METTL15: variants seen among roughly 807,000 people sequenced by gnomAD.
METTL15 encodes the protein 12S rRNA N(4)-cytidine methyltransferase METTL15.
Under a neutral mutation model 38.3 loss-of-function variants are expected in METTL15, and 34 were observed. The observed-to-expected ratio is 0.89, with a 90% CI of 0.68 to 1.18. The LOEUF (loss-of-function observed/expected upper bound fraction) is 1.18. Among genes scored for constraint, METTL15 ranks in the 50% most tolerant of loss-of-function variants. The pLI, the probability that METTL15 is intolerant of heterozygous loss-of-function variation, is 0.00. For missense variants in METTL15, 438 were observed against 498.4 expected (o/e 0.88, Z 1.15); for synonymous variants, 162 against 170.9 (o/e 0.95, Z 0.41).
Position 28,207,658 on chromosome 11 carries a change from A to T in METTL15, c.271-3404A>T, listed in dbSNP as rs756782613. On this transcript the variant is annotated intron_variant, in intron 3 of 6. Coordinates refer to ENST00000407364, the MANE Select transcript of METTL15 (RefSeq NM_001113528.2). ...TAGGGAGGATTCCCTCTTTTTCTAT[A>T]GATTGAAATAGTTTCAGAAGGAATG... is the stretch of plus-strand genomic sequence containing the variant. Among the ~76,000 whole-genome samples, 7 of 152,036 alleles carry T rather than the reference A, an allele frequency of 4.6e-5. No individual in the cohort carries two copies. In the South Asian group the frequency reaches 8.3e-4, roughly 18 times the overall value.
In METTL15 at chr11:28,144,477, T is replaced by G. The variant is rs556637616; in HGVS notation, c.270+30873T>G. Among the ~76,000 whole-genome samples the G allele has an allele frequency of 2.0e-5, 3 of 152,270 alleles. No homozygotes were observed. In the South Asian group the frequency reaches 6.2e-4, roughly 32 times the overall value. On this transcript the variant is annotated intron_variant, in intron 3 of 6. Transcript: ENST00000407364. ...AGAGAAATATTAAAAGTAATGCAAC[T>G]TTGAAACTCATTATTGTGTTTACTC...
At chr11:28,497,094 T>C (rs923258061) in intron 6 of METTL15, among the ~76,000 whole-genome samples, 1 of 152,184 alleles carries the variant, frequency 6.6e-6, no homozygotes, top group Non-Finnish European at 1.5e-5. Flanking sequence ...ACTTAACAAC[T>C]GGGGAATAGT....
intron 4 of METTL15, among the ~76,000 whole-genome samples, chr11:28,257,763 A>G (rs1003459502): frequency 1.3e-5 from 2 of 152,120 alleles, no homozygotes; most frequent in Non-Finnish European, 2.9e-5. Context: ...TGTAAAATTT[A>G]TTTCATAAAA....
intron 3 of METTL15, among the ~76,000 whole-genome samples, chr11:28,345,967 C>T (rs923919374): frequency 6.6e-6 from 1 of 152,140 alleles, no homozygotes; most frequent in African/African-American, 2.4e-5. Flanking sequence ...CATAGAAATT[C>T]TTCACCGCCT....
chr11:28,299,670 A>G (rs1856848221), intron 6 of METTL15, among the ~76,000 whole-genome samples: 1 of 152,148 alleles, frequency 6.6e-6, no homozygotes, highest in Non-Finnish European at 1.5e-5. Flanking sequence ...TAAAGAAAAT[A>G]TGAGACACAA....
chr11:28,380,152 A>G (rs566025736), intron 5 of METTL15, among the ~76,000 whole-genome samples: 29 of 143,354 alleles, frequency 2.0e-4, no homozygotes, highest in African/African-American at 7.1e-4. Flanking sequence ...TTCTTTATCC[A>G]TTCAGCCACT....
chr11:28,250,564 T>TTC (rs1393426232), intron 4 of METTL15, among the ~76,000 whole-genome samples: 1 of 67,182 alleles, frequency 1.5e-5, no homozygotes, highest in Non-Finnish European at 4.1e-5. Flanking sequence ...CTCTCCTTTT[T>TTC]TTAAAAAAAA....
At chr11:28,359,331 C>T (rs1304467417) in intron 4 of METTL15, among the ~76,000 whole-genome samples, 3 of 152,056 alleles carry the variant, frequency 2.0e-5, no homozygotes, top group South Asian at 2.1e-4. Context: ...TCCGATATAC[C>T]GTTGATGGGC....
chr11:28,405,631 T>C (rs1479481501), intron 5 of METTL15, among the ~76,000 whole-genome samples: 1 of 152,134 alleles, frequency 6.6e-6, no homozygotes, highest in Non-Finnish European at 1.5e-5. Flanking sequence ...TAAAATGTAA[T>C]AGCAACAAAT....
chr11:28,409,915 T>C (rs1215517631), intron 5 of METTL15, among the ~76,000 whole-genome samples: 4 of 151,414 alleles, frequency 2.6e-5, no homozygotes, highest in Admixed American at 6.6e-5. Flanking sequence ...CTCAATAAAA[T>C]CAGAAATGAA....
At chr11:28,394,554 A>G (rs1001505697) in intron 5 of METTL15, among the ~76,000 whole-genome samples, 1 of 152,098 alleles carries the variant, frequency 6.6e-6, no homozygotes, top group Non-Finnish European at 1.5e-5. Context: ...AATACTAAAA[A>G]ATTCTTAAAA....
Position 28,294,911 on chromosome 11 carries a change from T to C in METTL15, c.600-1842T>C, listed in dbSNP as rs140376067. On this transcript the variant is annotated intron_variant, in intron 5 of 6. Coordinates refer to ENST00000407364, the MANE Select transcript of METTL15 (RefSeq NM_001113528.2). ...ACTTTTTAATTTTCTTATTTTAACATAGAAAAGTATAATTAAAAACTGCTA... is the reference window on the plus strand; with the variant it reads ...ACTTTTTAATTTTCTTATTTTAACACAGAAAAGTATAATTAAAAACTGCTA... Among the ~76,000 whole-genome samples, 137 of 152,288 alleles carry C rather than the reference T, an allele frequency of 9.0e-4. 1 individual carries two copies. The highest frequency in any genetic ancestry group is 3.3e-3 in the African/African-American group (136 of 41,586).
chr11:28,406,241 C>T (rs1022796513), intron 5 of METTL15, among the ~76,000 whole-genome samples: 1 of 152,084 alleles, frequency 6.6e-6, no homozygotes, highest in African/African-American at 2.4e-5. Context: ...TTTTTGTCCT[C>T]TCTTATTTCC....
Position 28,229,720 on chromosome 11 carries a change from A to C in METTL15, c.407+18522A>C, listed in dbSNP as rs548359207. On this transcript the variant is annotated intron_variant, in intron 4 of 6. Transcript: ENST00000407364. ...CTTCCCAGCCTCTAGAACTATGAGA[A>C]ATAAATTTCCGTTTCAATAAATTAC... 6.6e-4 allele frequency among the ~76,000 whole-genome samples: 101 copies of C among 152,040 alleles called. No homozygotes were observed. In the Middle Eastern group the frequency reaches 0.014, roughly 20 times the overall value.
chr11:28,119,061 A>G (rs1451762404), intron 3 of METTL15, among the ~76,000 whole-genome samples: 1 of 152,176 alleles, frequency 6.6e-6, no homozygotes, highest in Non-Finnish European at 1.5e-5. Flanking sequence ...AACTCTCCTC[A>G]TCTTCATCCT....
intron 4 of METTL15, among the ~76,000 whole-genome samples, chr11:28,243,068 G>A (rs1181304856): frequency 1.4e-4 from 21 of 151,118 alleles, no homozygotes; most frequent in African/African-American, 4.4e-4. Flanking sequence ...AATTCTGCCT[G>A]ATGATTGGAG....
intron 5 of METTL15, among the ~76,000 whole-genome samples, chr11:28,389,556 T>C (rs1438500251): frequency 1.3e-5 from 2 of 152,176 alleles, no homozygotes; most frequent in East Asian, 3.9e-4. Flanking sequence ...ACAAAGGACA[T>C]GAACTCATCA....
intron 4 of METTL15, among the ~76,000 whole-genome samples, chr11:28,359,074 G>T (rs1850113828): frequency 6.6e-6 from 1 of 152,074 alleles, no homozygotes; most frequent in African/African-American, 2.4e-5. Context: ...TTCAGCACTT[G>T]CCCTCTTCAC....
At chr11:28,371,515 G>A (rs989791230) in intron 5 of METTL15, among the ~76,000 whole-genome samples, 1 of 151,840 alleles carries the variant, frequency 6.6e-6, no homozygotes, top group African/African-American at 2.4e-5. Flanking sequence ...TTTGTGCTCT[G>A]TTGTGGTTCC....
Sources: allele counts gnomAD v4.1 joint callset (sites outside exome capture counted in the v4.1 genomes callset), GRCh38; gene constraint gnomAD v4.1.1; transcripts MANE v1.5; gene names NCBI Gene and HGNC (gene_info 2026-07-23, HGNC 2026-07-21).